The following ZNF516 variants were observed in gnomAD, a reference collection of about 807,000 sequenced individuals.
ZNF516 encodes the protein zinc finger protein 516.
ZNF516 carries 19 observed loss-of-function variants against 79.7 expected under a neutral mutation model. The observed-to-expected ratio is 0.24, with a 90% CI of 0.17 to 0.35. The LOEUF is 0.35. Ranked by LOEUF, ZNF516 falls within the 10% of genes least tolerant of loss-of-function variation. ZNF516 has a pLI of 1.00. For missense variants in ZNF516, 1,678 were observed against 1,679.5 expected, an observed-to-expected ratio of 1.00 and a Z score of 0.02; for synonymous variants, 877 against 739.5, an observed-to-expected ratio of 1.19 and a Z score of -3.02.
chr18:76,476,313 G>C (rs1914170897), intron 1 of ZNF516, among the ~76,000 whole-genome samples: 1 of 152,166 alleles, frequency 6.6e-6, no homozygotes, highest in Admixed American at 6.5e-5. Flanking sequence ...TGTCTTAAAA[G>C]CAAAGTGTCT....
chr18:76,477,178 G>C (rs112327744), intron 1 of ZNF516, among the ~76,000 whole-genome samples: 76 of 152,252 alleles, frequency 5.0e-4, no homozygotes, highest in African/African-American at 1.8e-3. Context: ...AATGCTAGTC[G>C]ATCTTACGTT....
intron 2 of ZNF516, among the ~76,000 whole-genome samples, chr18:76,458,003 T>C (rs1259914109): frequency 5.3e-5 from 8 of 152,216 alleles, no homozygotes; most frequent in Non-Finnish European, 5.9e-5. Flanking sequence ...TTATTTGCAA[T>C]GATATCCACC....
At position 76,370,613 on chromosome 18, in the gene ZNF516, T is replaced by C. The variant is rs1329182445; in HGVS notation, c.3365-18A>G. On this transcript the variant is annotated intron_variant, in intron 5 of 6. Transcript: ENST00000443185. ...AAACACCACTGTGGGAACAAGGGGT[T>C]TGTTAACAGATCAGCGTGTGAGCTT... 7 of 1,586,832 alleles carry C rather than the reference T, an allele frequency of 4.4e-6. No individual in the cohort carries two copies. The highest frequency in any genetic ancestry group is 6.0e-6 in the Non-Finnish European group (7 of 1,165,414).
rs1254841683 is a variant in ZNF516, at chr18:76,383,501, T to C, written c.1811-3198A>G. ...CTCAGCCAGGGACCCAGGACCCTCT[T>C]CCCCACCAGGCACCTTCTCAGCCAG... is the stretch of plus-strand genomic sequence containing the variant. On this transcript the variant is annotated intron_variant, in intron 3 of 6. Coordinates refer to ENST00000443185, the MANE Select transcript of ZNF516 (RefSeq NM_014643.4). 4.8e-5 allele frequency among the ~76,000 whole-genome samples: 6 copies of C among 124,818 alleles called. No homozygotes were observed. The Admixed American group carries it at 5.3e-4, about 11-fold the overall frequency. The allele number at this position is 124,818 out of a possible 152,430, so 81.9% of individuals were successfully genotyped here.
intron 3 of ZNF516, among the ~76,000 whole-genome samples, chr18:76,406,996 T>C (rs1217892159): frequency 2.6e-5 from 4 of 152,200 alleles, no homozygotes; most frequent in African/African-American, 9.7e-5. Context: ...CTCCGTCCAC[T>C]GTTGGGTGAG....
chr18:76,370,299 A>G (rs1294755747), intron 6 of ZNF516, among the ~76,000 whole-genome samples: 1 of 151,908 alleles, frequency 6.6e-6, no homozygotes, highest in East Asian at 1.9e-4. Flanking sequence ...ACAACCAACA[A>G]CCAGCTGTGT....
intron 3 of ZNF516, among the ~76,000 whole-genome samples, chr18:76,405,307 C>T (rs1374840919): frequency 6.6e-6 from 1 of 152,136 alleles, no homozygotes; most frequent in Non-Finnish European, 1.5e-5. Context: ...TAGCTCACTG[C>T]GGGTGTCCTC....
Position 76,379,445 on chromosome 18 carries a change from G to A in ZNF516, c.2669C>T (p.Pro890Leu), listed in dbSNP as rs1390830954. ...GCCATGTGGCTCCTGGCCGTGACAA[G>A]GTTTGGTCTGTCGATACCCGTCAGG... Reference protein sequence around the residue: ...PGPDGYRQTKPCHGQEPHGAA... With the variant: ...PGPDGYRQTKLCHGQEPHGAA... The change falls in exon 4 of 7, where the codon CCT becomes CTT. Residue 890 changes from proline (P) to leucine (L), a missense_variant. By Grantham distance (98) the Pro-to-Leu change is moderately conservative. Coordinates refer to ENST00000443185, the MANE Select transcript of ZNF516 (RefSeq NM_014643.4). The A allele has an allele frequency of 2.5e-6, 4 of 1,613,202 alleles. No homozygotes were observed. In the African/African-American group the frequency reaches 5.3e-5, roughly 22 times the overall value.
rs994842175 is a variant in ZNF516, at chr18:76,362,234, G to A, written c.*264C>T. On this transcript the variant is annotated 3_prime_UTR_variant, in exon 7 of 7. Coordinates refer to ENST00000443185, the MANE Select transcript of ZNF516 (RefSeq NM_014643.4). ...TATAAGAAAATATGGGACTATGGAC[G>A]ATGAGCACGTAAATGCGTATATAGT... 9.8e-6 allele frequency: 4 copies of A among 410,052 alleles called. No individual in the cohort carries two copies. Among genetic ancestry groups the A allele is most frequent in the South Asian group, 5.3e-5 (1 of 18,748 alleles). The allele number at this position is 410,052 out of a possible 1,614,324, so 25.4% of individuals were successfully genotyped here.
chr18:76,474,806 CCA>C (rs910272124), intron 1 of ZNF516, among the ~76,000 whole-genome samples: 1 of 152,056 alleles, frequency 6.6e-6, no homozygotes, highest in African/African-American at 2.4e-5. Context: ...GGTCTAATAA[CCA>C]CAGACAGAAG....
intron 3 of ZNF516, among the ~76,000 whole-genome samples, chr18:76,424,120 G>A (rs1472578606): frequency 2.1e-5 from 2 of 95,294 alleles, no homozygotes; most frequent in African/African-American, 4.1e-5. Flanking sequence ...CGAAACACAC[G>A]CAGGTGAAAA....
chr18:76,407,153 C>A (rs1483018542), intron 3 of ZNF516, among the ~76,000 whole-genome samples: 2 of 152,112 alleles, frequency 1.3e-5, no homozygotes, highest in Non-Finnish European at 2.9e-5. Flanking sequence ...GTGGCTGACA[C>A]CTATCATCTC....
At chr18:76,431,461 G>A (rs2075660001) in intron 3 of ZNF516, among the ~76,000 whole-genome samples, 1 of 152,246 alleles carries the variant, frequency 6.6e-6, no homozygotes, top group Non-Finnish European at 1.5e-5. Context: ...AGCAGCGAGA[G>A]AGGGGCTGCT....
At chr18:76,365,416 C>CA (rs1201351770) in intron 6 of ZNF516, among the ~76,000 whole-genome samples, 7 of 152,010 alleles carry the variant, frequency 4.6e-5, no homozygotes, top group African/African-American at 1.2e-4. Context: ...AACAATGCAA[C>CA]AAAAAAAATC....
chr18:76,408,452 A>G lies in ZNF516; in HGVS notation c.1811-28149T>C, dbSNP rs550465720. 1.4e-4 allele frequency among the ~76,000 whole-genome samples: 22 copies of G among 152,308 alleles called. No homozygotes were observed. In the South Asian group the frequency reaches 3.9e-3, roughly 27 times the overall value. On this transcript the variant is annotated intron_variant, in intron 3 of 6. Coordinates refer to ENST00000443185, the MANE Select transcript of ZNF516 (RefSeq NM_014643.4). Reference sequence around the variant, plus strand: ...GTCACAAGGGAAAATAGCAAAAATTAAGAAGAAGTGCATGGCTCTGGTATA... The same window carrying G: ...GTCACAAGGGAAAATAGCAAAAATTGAGAAGAAGTGCATGGCTCTGGTATA...
At chr18:76,445,817 G>A (rs957305918) in intron 2 of ZNF516, among the ~76,000 whole-genome samples, 4 of 152,224 alleles carry the variant, frequency 2.6e-5, no homozygotes, top group Non-Finnish European at 5.9e-5. Flanking sequence ...GACAGCCCTC[G>A]AGTGCAGCAT....
At chr18:76,492,246 C>G (rs1568336655) in intron 1 of ZNF516, 12 of 985,348 alleles carry the variant, frequency 1.2e-5, no homozygotes, top group Non-Finnish European at 1.3e-5. Context: ...TGCTGCTCGG[C>G]TCAGGTCGGG....
intron 3 of ZNF516, among the ~76,000 whole-genome samples, chr18:76,382,421 T>C (rs377108089): frequency 6.6e-6 from 1 of 152,092 alleles, no homozygotes; most frequent in East Asian, 1.9e-4. Context: ...GGAATACAGA[T>C]TTCTGAACAC....
chr18:76,405,028 C>A (rs888988250), intron 3 of ZNF516, among the ~76,000 whole-genome samples: 1 of 152,144 alleles, frequency 6.6e-6, no homozygotes, highest in African/African-American at 2.4e-5. Context: ...CCCTTTGCTC[C>A]CAGCAAAGAC....
Sources: allele counts gnomAD v4.1 joint callset (sites outside exome capture counted in the v4.1 genomes callset), GRCh38; gene constraint gnomAD v4.1.1; transcripts MANE v1.5; gene names NCBI Gene and HGNC (gene_info 2026-07-23, HGNC 2026-07-21).